SNX13: variants seen among roughly 807,000 people sequenced by gnomAD.
SNX13 encodes the protein sorting nexin 13.
SNX13 carries 45 observed loss-of-function variants against 133.6 expected under a neutral mutation model. The ratio of observed to expected loss-of-function variants is 0.34; its 90% CI spans 0.27 to 0.43. SNX13 has a LOEUF of 0.43. SNX13 is among the 20% of genes least tolerant of loss of function. SNX13 has a pLI of 1.00. For synonymous variants in SNX13, 414 were observed against 373.9 expected, an observed-to-expected ratio of 1.11 and a Z score of -1.24; for missense variants, 1,032 against 1,145.1, an observed-to-expected ratio of 0.90 and a Z score of 1.43.
In SNX13 at chr7:17,796,679, G is replaced by A. The variant is rs1055083860; in HGVS notation, c.2626+148C>T. The A allele has an allele frequency of 2.6e-5, 16 of 619,822 alleles. No individual in the cohort carries two copies. In the African/African-American group the frequency reaches 2.8e-4, roughly 11 times the overall value. 38.4% of individuals were successfully genotyped at this position (619,822 alleles called of 1,614,324 possible). A position where few individuals can be genotyped will look rare whatever the true frequency, so the allele number is the denominator to read the frequency against. On this transcript the variant is annotated intron_variant, in intron 25 of 25. Transcript: ENST00000428135. The stretch of plus-strand genomic sequence containing the variant: ...TCATGAGGACTGATTAAGAACATAT[G>A]AGAAATGCCTAGTACAGTGCCTGAT...
intron 5 of SNX13, among the ~76,000 whole-genome samples, chr7:17,887,555 A>C (rs901148033): frequency 2.6e-5 from 4 of 152,208 alleles, no homozygotes; most frequent in African/African-American, 7.2e-5. Flanking sequence ...TAATCCTAAC[A>C]ACCACCTCAT....
In SNX13 at chr7:17,868,210, A is replaced by G. The variant is rs576631656; in HGVS notation, c.837+197T>C. On this transcript the variant is annotated intron_variant, in intron 9 of 25. Transcript: ENST00000428135. Reference sequence around the variant, plus strand: ...CATAACCGCAAGGAAGATAATCAACAAAATTCTTAAAGAGAATTTGGCCAA... The same window carrying G: ...CATAACCGCAAGGAAGATAATCAACGAAATTCTTAAAGAGAATTTGGCCAA... 9.6e-5 allele frequency: 50 copies of G among 520,664 alleles called. 1 individual carries two copies. In the South Asian group the frequency reaches 1.4e-3, roughly 15 times the overall value. The allele number at this position is 520,664 out of a possible 1,614,324, so 32.3% of individuals were successfully genotyped here. A position where few individuals can be genotyped will look rare whatever the true frequency, so the allele number is the denominator to read the frequency against.
At chr7:17,934,956 G>C (rs1236971567) in intron 1 of SNX13, among the ~76,000 whole-genome samples, 4 of 152,128 alleles carry the variant, frequency 2.6e-5, no homozygotes, top group Non-Finnish European at 5.9e-5. Context: ...CAAACATTAT[G>C]AAAAATGGTA....
chr7:17,826,682 G>A (rs1018131234), intron 16 of SNX13, among the ~76,000 whole-genome samples: 1 of 152,068 alleles, frequency 6.6e-6, no homozygotes, highest in African/African-American at 2.4e-5. Context: ...GACTATGATA[G>A]ATTTTAAATG....
At chr7:17,811,242 T>C (rs1185663271) in intron 20 of SNX13, among the ~76,000 whole-genome samples, 1 of 152,202 alleles carries the variant, frequency 6.6e-6, no homozygotes, top group Non-Finnish European at 1.5e-5. Context: ...TGATTGTATA[T>C]TTAGAAAACC....
intron 11 of SNX13, among the ~76,000 whole-genome samples, chr7:17,849,002 C>T (rs1011601741): frequency 6.6e-6 from 1 of 152,148 alleles, no homozygotes; most frequent in Non-Finnish European, 1.5e-5. Context: ...TGCATTCCTA[C>T]TTACACACAC....
intron 1 of SNX13, among the ~76,000 whole-genome samples, chr7:17,902,954 G>C (rs1223603310): frequency 1.3e-5 from 2 of 152,146 alleles, no homozygotes; most frequent in Non-Finnish European, 2.9e-5. Flanking sequence ...CTGATGATCT[G>C]AGGTGGGAGA....
At chr7:17,805,250 T>TGTGTGTGTGTGTGTGTGTGTGTGCGC in intron 20 of SNX13, among the ~76,000 whole-genome samples, 46 of 95,586 alleles carry the variant, frequency 4.8e-4, no homozygotes, top group African/African-American at 1.2e-3. Context: ...TGTGTGTGTG[T>TGTGTGTGTGTGTGTGTGTGTGTGCGC]GCGTGCGCGC....
chr7:17,924,873 G>GC (rs1350515287), intron 1 of SNX13, among the ~76,000 whole-genome samples: 1 of 152,060 alleles, frequency 6.6e-6, no homozygotes, highest in African/African-American at 2.4e-5. Flanking sequence ...AGTCACAAAG[G>GC]CCCACATATT....
At chr7:17,840,409 T>C (rs1328417017) in intron 12 of SNX13, among the ~76,000 whole-genome samples, 1 of 152,000 alleles carries the variant, frequency 6.6e-6, no homozygotes, top group Non-Finnish European at 1.5e-5. Context: ...TTGCTGAAAA[T>C]GTCCTCCAGA....
At chr7:17,934,311 A>G (rs1317337835) in intron 1 of SNX13, among the ~76,000 whole-genome samples, 1 of 152,228 alleles carries the variant, frequency 6.6e-6, no homozygotes, top group Non-Finnish European at 1.5e-5. Context: ...TTCAAAGCAC[A>G]GTTTAAAAAG....
At chr7:17,820,878 T>G (rs1400729065) in intron 18 of SNX13, among the ~76,000 whole-genome samples, 2 of 152,114 alleles carry the variant, frequency 1.3e-5, no homozygotes, top group Non-Finnish European at 2.9e-5. Context: ...AAAGATCTTT[T>G]TTTTAAGTTG....
At chr7:17,815,843 A>G (rs2723515) in intron 19 of SNX13, among the ~76,000 whole-genome samples, 92,982 of 151,966 alleles carry the variant, frequency 0.61, 29,881 homozygotes, top group African/African-American at 0.81. Context: ...TTTTTCTTCA[A>G]AATCTTGTAA....
At chr7:17,933,261 C>G (rs955510129) in intron 1 of SNX13, among the ~76,000 whole-genome samples, 7 of 152,084 alleles carry the variant, frequency 4.6e-5, no homozygotes, top group South Asian at 2.1e-4. Flanking sequence ...TGCTTTAAGG[C>G]GGCCGGGCCC....
intron 8 of SNX13, among the ~76,000 whole-genome samples, chr7:17,872,071 G>C (rs186486152): frequency 6.6e-6 from 1 of 152,302 alleles, no homozygotes; most frequent in Admixed American, 6.5e-5. Flanking sequence ...CAAGAGGGCA[G>C]CTCAGAGTTG....
At chr7:17,933,447 G>A (rs1801642800) in intron 1 of SNX13, among the ~76,000 whole-genome samples, 1 of 151,854 alleles carries the variant, frequency 6.6e-6, no homozygotes, top group Non-Finnish European at 1.5e-5. Context: ...GGAGGCTGAG[G>A]CAAAAGAATC....
intron 1 of SNX13, among the ~76,000 whole-genome samples, chr7:17,913,350 G>A (rs1160128587): frequency 2.0e-5 from 3 of 152,222 alleles, no homozygotes; most frequent in East Asian, 3.9e-4. Flanking sequence ...GGTCTGAAAG[G>A]GGCCATTTCT....
At chr7:17,837,995 A>C (rs568827583) in intron 13 of SNX13, among the ~76,000 whole-genome samples, 104 of 152,030 alleles carry the variant, frequency 6.8e-4, no homozygotes, top group Admixed American at 1.9e-3. Flanking sequence ...ATCACCTACC[A>C]ATTTTAGCGA....
intron 9 of SNX13, among the ~76,000 whole-genome samples, chr7:17,862,296 C>T (rs1044026262): frequency 2.0e-5 from 3 of 152,090 alleles, no homozygotes; most frequent in Non-Finnish European, 4.4e-5. Flanking sequence ...ATACAATATC[C>T]ATTTTCTGTA....
Sources: allele counts gnomAD v4.1 joint callset (sites outside exome capture counted in the v4.1 genomes callset), GRCh38; gene constraint gnomAD v4.1.1; transcripts MANE v1.5; gene names NCBI Gene and HGNC (gene_info 2026-07-23, HGNC 2026-07-21).